TRIQK: variants seen among roughly 807,000 people sequenced by gnomAD.
TRIQK encodes triple QxxK/R motif containing.
TRIQK carries 10 observed loss-of-function variants against 10.8 expected under a neutral mutation model. That is an observed-to-expected ratio of 0.92 (90% CI 0.57 to 1.57). The LOEUF (loss-of-function observed/expected upper bound fraction) is 1.57. TRIQK is among the 40% of genes most tolerant of loss of function. The probability of loss-of-function intolerance (pLI) is 0.00; values close to 1 mark genes in which losing one functional copy is unlikely to be tolerated. For synonymous variants in TRIQK, 33 were observed against 33.7 expected (o/e 0.98, Z 0.07); for missense variants, 107 against 97.7 (o/e 1.09, Z -0.40).
At chr8:92,967,886 A>G (rs941282952), upstream of TRIQK, among the ~76,000 whole-genome samples, 1 of 151,330 alleles carries the variant, frequency 6.6e-6, no homozygotes, top group Admixed American at 6.6e-5. Flanking sequence ...ATATATTAAT[A>G]AATATATAAA....
chr8:92,957,701 T>C (rs1428694387), intron 1 of TRIQK, among the ~76,000 whole-genome samples: 1 of 151,960 alleles, frequency 6.6e-6, no homozygotes, highest in Non-Finnish European at 1.5e-5. Flanking sequence ...GCATATACAT[T>C]ATGTTTTGTC....
At chr8:93,000,579 G>A (rs1671776723) in intron 1 of TRIQK, among the ~76,000 whole-genome samples, 1 of 152,108 alleles carries the variant, frequency 6.6e-6, no homozygotes, top group African/African-American at 2.4e-5. Context: ...AGAGATTTGG[G>A]TGGGGGTTGG....
chr8:92,942,136 T>C (rs1811299911), intron 2 of TRIQK, among the ~76,000 whole-genome samples: 1 of 152,006 alleles, frequency 6.6e-6, no homozygotes, highest in South Asian at 2.1e-4. Flanking sequence ...AGAAAACTAC[T>C]CTGATGGTTA....
At chr8:92,893,608 C>G (rs916524799) in intron 3 of TRIQK, among the ~76,000 whole-genome samples, 2 of 151,934 alleles carry the variant, frequency 1.3e-5, no homozygotes, top group Non-Finnish European at 2.9e-5. Flanking sequence ...TGAAAAAAAT[C>G]TTGACAAGTG....
intron 3 of TRIQK, among the ~76,000 whole-genome samples, chr8:92,907,876 A>T (rs1809363812): frequency 6.6e-6 from 1 of 152,166 alleles, no homozygotes; most frequent in Non-Finnish European, 1.5e-5. Flanking sequence ...TGAGAGATAT[A>T]AAAACATATT....
chr8:92,893,924 T>C (rs72677456), intron 3 of TRIQK, among the ~76,000 whole-genome samples: 1 of 152,096 alleles, frequency 6.6e-6, no homozygotes, highest in Non-Finnish European at 1.5e-5. Flanking sequence ...TATACAGATA[T>C]GAAATATTTT....
chr8:93,001,433 G>A (rs1268080254), intron 1 of TRIQK, among the ~76,000 whole-genome samples: 1 of 151,884 alleles, frequency 6.6e-6, no homozygotes, highest in Non-Finnish European at 1.5e-5. Context: ...AAATGAAGCT[G>A]TTGAAAAAGA....
intron 4 of TRIQK, among the ~76,000 whole-genome samples, chr8:92,891,336 T>C (rs1816751488): frequency 6.6e-6 from 1 of 151,880 alleles, no homozygotes. Flanking sequence ...GATAGTAGAG[T>C]TGCCAAATTA....
chr8:92,937,686 G>C (rs995759724), intron 2 of TRIQK, among the ~76,000 whole-genome samples: 9 of 150,228 alleles, frequency 6.0e-5, no homozygotes, highest in African/African-American at 2.2e-4. Flanking sequence ...ATTTTTAGCA[G>C]TTACTAGAAT....
chr8:93,008,848 T>G (rs1229197509), intron 1 of TRIQK, among the ~76,000 whole-genome samples: 1 of 152,170 alleles, frequency 6.6e-6, no homozygotes. Flanking sequence ...GATTAAAGAC[T>G]TAAGTGTAAT....
At chr8:92,891,335 G>C (rs1816751297) in intron 4 of TRIQK, among the ~76,000 whole-genome samples, 1 of 151,818 alleles carries the variant, frequency 6.6e-6, no homozygotes, top group African/African-American at 2.4e-5. Context: ...TGATAGTAGA[G>C]TTGCCAAATT....
chr8:92,955,214 C>G (rs1163322082), intron 1 of TRIQK, among the ~76,000 whole-genome samples: 1 of 151,554 alleles, frequency 6.6e-6, no homozygotes, highest in African/African-American at 2.4e-5. Flanking sequence ...ATAATAATAC[C>G]AACTTAAAAT....
intron 1 of TRIQK, among the ~76,000 whole-genome samples, chr8:92,988,436 A>T (rs1341042465): frequency 1.3e-5 from 2 of 152,194 alleles, no homozygotes; most frequent in Non-Finnish European, 1.5e-5. Context: ...GTGTGTTTAC[A>T]TTTTATGCCA....
chr8:92,904,623 C>T (rs902417836), intron 3 of TRIQK, among the ~76,000 whole-genome samples: 3 of 152,118 alleles, frequency 2.0e-5, no homozygotes, highest in African/African-American at 7.2e-5. Flanking sequence ...CTGCAAGAGG[C>T]TGTCTGTCCT....
chr8:92,887,262 G>C (rs546744693), intron 4 of TRIQK, among the ~76,000 whole-genome samples: 1 of 150,926 alleles, frequency 6.6e-6, no homozygotes, highest in African/African-American at 2.4e-5. Flanking sequence ...ATGTGACTTT[G>C]TTGAAACTCT....
chr8:92,989,498 G>A (rs1250879743), intron 1 of TRIQK, among the ~76,000 whole-genome samples: 1 of 152,050 alleles, frequency 6.6e-6, no homozygotes, highest in Non-Finnish European at 1.5e-5. Context: ...GCTCGAACCT[G>A]TTGGAAACCC....
intron 3 of TRIQK, among the ~76,000 whole-genome samples, chr8:92,896,549 T>C (rs964856278): frequency 2.0e-5 from 3 of 152,040 alleles, no homozygotes; most frequent in Non-Finnish European, 4.4e-5. Flanking sequence ...GACTCCAACC[T>C]GTGAGAGCTG....
chr8:92,967,245 AC>A (rs1812787190), upstream of TRIQK, among the ~76,000 whole-genome samples: 1 of 151,978 alleles, frequency 6.6e-6, no homozygotes, highest in Admixed American at 6.6e-5. Flanking sequence ...TTAAACCAAA[AC>A]CCAGAAGGGT....
At chr8:92,915,863 C>G (rs1304516861) in intron 3 of TRIQK, among the ~76,000 whole-genome samples, 2 of 151,776 alleles carry the variant, frequency 1.3e-5, no homozygotes, top group African/African-American at 4.8e-5. Context: ...GTTTGCATGT[C>G]TTTTGTTTTT....
Sources: allele counts gnomAD v4.1 joint callset (sites outside exome capture counted in the v4.1 genomes callset), GRCh38; gene constraint gnomAD v4.1.1; transcripts MANE v1.5; gene names NCBI Gene and HGNC (gene_info 2026-07-23, HGNC 2026-07-21).